The following SYN3 variants were observed in gnomAD, a reference collection of about 807,000 sequenced individuals.
SYN3 encodes the protein synapsin-3.
In SYN3, 35 loss-of-function variants were observed where a neutral mutation model predicts 65.8. The ratio of observed to expected loss-of-function variants is 0.53; its 90% CI spans 0.41 to 0.70. The LOEUF (loss-of-function observed/expected upper bound fraction) is 0.70, where lower values mean the gene tolerates loss of function less well. Among genes scored for constraint, SYN3 ranks in the 30% least tolerant of loss-of-function variants. SYN3 has a pLI of 0.00. For missense variants in SYN3, 680 were observed against 749.0 expected (o/e 0.91, Z 1.08); for synonymous variants, 270 against 292.9 (o/e 0.92, Z 0.80).
chr22:32,891,285 C>T (rs1601633116), intron 4 of SYN3, among the ~76,000 whole-genome samples: 2 of 152,296 alleles, frequency 1.3e-5, no homozygotes, highest in East Asian at 1.9e-4. Flanking sequence ...CTTTTGATGA[C>T]ATTCTCGAAA....
intron 3 of SYN3, among the ~76,000 whole-genome samples, chr22:32,961,856 ACATAGTAG>A (rs1006915766): frequency 1.3e-5 from 2 of 152,210 alleles, no homozygotes; most frequent in Non-Finnish European, 2.9e-5. Flanking sequence ...CGTGTGCTGG[ACATAGTAG>A]CATTGCGGTT....
chr22:32,988,581 T>C (rs2052605385), intron 2 of SYN3, among the ~76,000 whole-genome samples: 1 of 151,930 alleles, frequency 6.6e-6, no homozygotes. Flanking sequence ...TACTACCTAA[T>C]GGGAGGGACA....
rs535132363 is a variant in SYN3 at position 32,726,398 on chromosome 22, C to T, written c.712-129662G>A. ...CATCATGATCTGCCCGCCTTGGCCT[C>T]CCAAAGTGCTGGGATTACAGGTGTG... On this transcript the variant is annotated intron_variant, in intron 6 of 13. Transcript: ENST00000358763. 3.3e-5 allele frequency among the ~76,000 whole-genome samples: 5 copies of T among 152,308 alleles called. No individual in the cohort carries two copies. The South Asian group carries it at 1.0e-3, about 32-fold the overall frequency.
At chr22:32,692,618 C>T (rs1166509813) in intron 6 of SYN3, among the ~76,000 whole-genome samples, 1 of 152,146 alleles carries the variant, frequency 6.6e-6, no homozygotes, top group African/African-American at 2.4e-5. Context: ...GCTTTGTCTG[C>T]TTGATCTGAA....
chr22:32,802,232 AGACGGGGTTGGGGCG>A, intron 6 of SYN3: 1 of 1,454,646 alleles, frequency 6.9e-7, no homozygotes, highest in Non-Finnish European at 9.1e-7. Flanking sequence ...GGAGAGGGGC[AGACGGGGTTGGGGCG>A]GAGTGGAGAA....
chr22:32,549,876 G>A (rs1165703268), intron 7 of SYN3, among the ~76,000 whole-genome samples: 1 of 127,370 alleles, frequency 7.9e-6, no homozygotes, highest in Non-Finnish European at 1.6e-5. Context: ...GCAGCACAGC[G>A]AGACTCTGTC....
At chr22:32,880,115 A>ACATT (rs10664725) in intron 4 of SYN3, among the ~76,000 whole-genome samples, 36,568 of 151,946 alleles carry the variant, frequency 0.24, 4,509 homozygotes, top group South Asian at 0.41. Flanking sequence ...CTCCCCTGTT[A>ACATT]CATTCTGTCA....
intron 4 of SYN3, among the ~76,000 whole-genome samples, chr22:32,876,884 C>T (rs1023350636): frequency 6.6e-6 from 1 of 152,174 alleles, no homozygotes; most frequent in African/African-American, 2.4e-5. Context: ...CATTATATCG[C>T]AGTTTGTGCA....
chr22:32,627,654 TCCAGACAC>T (rs1242105741), intron 6 of SYN3, among the ~76,000 whole-genome samples: 19 of 151,774 alleles, frequency 1.3e-4, no homozygotes, highest in Admixed American at 1.2e-3. Context: ...TGCATAGACA[TCCAGACAC>T]CCAGACACAC....
At chr22:32,740,728 A>G (rs1046907441) in intron 6 of SYN3, among the ~76,000 whole-genome samples, 1 of 152,232 alleles carries the variant, frequency 6.6e-6, no homozygotes, top group Non-Finnish European at 1.5e-5. Flanking sequence ...ATTTGAGTTC[A>G]GTTCAAGAAG....
At chr22:32,807,611 A>T (rs1408008913) in intron 6 of SYN3, among the ~76,000 whole-genome samples, 1 of 149,926 alleles carries the variant, frequency 6.7e-6, no homozygotes, top group Non-Finnish European at 1.5e-5. Context: ...AGCTGAGGAA[A>T]CTGAGGCTTA....
At position 32,614,341 on chromosome 22, in the gene SYN3, T is replaced by A. The variant is rs5754175; in HGVS notation, c.712-17605A>T. Among the ~76,000 whole-genome samples the A allele has an allele frequency of 3.9e-5, 6 of 152,322 alleles. No homozygotes were observed. The East Asian group carries it at 1.2e-3, about 29-fold the overall frequency. On this transcript the variant is annotated intron_variant, in intron 6 of 13. Coordinates refer to ENST00000358763, the MANE Select transcript of SYN3 (RefSeq NM_003490.4). ...GGTAACAGGGAAGGCTGCCCTGAGA[T>A]ACTGACTCTGAGCCCAAAGAGAGAG...
chr22:32,758,192 C>G (rs1055740734), intron 6 of SYN3, among the ~76,000 whole-genome samples: 13 of 151,982 alleles, frequency 8.6e-5, no homozygotes, highest in African/African-American at 3.1e-4. Flanking sequence ...TCCGGTTGTA[C>G]CAAGGATAGT....
intron 7 of SYN3, among the ~76,000 whole-genome samples, chr22:32,550,771 A>C (rs570617896): frequency 6.6e-6 from 1 of 152,264 alleles, no homozygotes; most frequent in South Asian, 2.1e-4. Context: ...TGTTATTGAA[A>C]GGCTTCCATG....
intron 7 of SYN3, among the ~76,000 whole-genome samples, chr22:32,542,475 G>A (rs2058272141): frequency 1.3e-5 from 2 of 151,704 alleles, no homozygotes; most frequent in Admixed American, 1.3e-4. Context: ...TGTGTGTGGT[G>A]AGTTTGCTGT....
intron 1 of SYN3, among the ~76,000 whole-genome samples, chr22:33,039,970 G>A (rs2053933237): frequency 6.6e-6 from 1 of 151,904 alleles, no homozygotes; most frequent in East Asian, 1.9e-4. Flanking sequence ...AAAAACCTGA[G>A]TGGCTCCATC....
intron 2 of SYN3, among the ~76,000 whole-genome samples, chr22:32,999,482 C>T (rs1471803972): frequency 3.3e-5 from 5 of 151,986 alleles, no homozygotes; most frequent in African/African-American, 1.2e-4. Context: ...GTCAGGAGTT[C>T]GAGATCAACC....
rs2061241970 is a variant in SYN3 at position 32,729,495 on chromosome 22, G to T, written c.712-132759C>A. On this transcript the variant is annotated intron_variant, in intron 6 of 13. Coordinates refer to ENST00000358763, the MANE Select transcript of SYN3 (RefSeq NM_003490.4). The stretch of plus-strand genomic sequence containing the variant: ...TCAGGGGATCCTCCAAAGTAACTGG[G>T]AACTACAGTGATGGGGACTGAAGTC... 3.3e-5 allele frequency among the ~76,000 whole-genome samples: 5 copies of T among 152,198 alleles called. No individual in the cohort carries two copies. The South Asian group carries it at 1.0e-3, about 32-fold the overall frequency.
intron 6 of SYN3, among the ~76,000 whole-genome samples, chr22:32,636,076 C>G (rs564349443): frequency 2.0e-5 from 3 of 152,214 alleles, no homozygotes; most frequent in Admixed American, 6.5e-5. Flanking sequence ...TTCTGAGGAG[C>G]CTGCTAAGAA....
Sources: gnomAD v4.1 joint callset for allele counts (sites outside exome capture counted in the v4.1 genomes callset) on GRCh38, gnomAD v4.1.1 for gene constraint, MANE v1.5 for transcripts, NCBI Gene and HGNC (gene_info 2026-07-23, HGNC 2026-07-21) for gene names.